Variants in C11orf65 observed in about 807,000 individuals in gnomAD.
C11orf65 encodes the protein chromosome 11 open reading frame 65.
In C11orf65, 38 loss-of-function variants were observed where a neutral mutation model predicts 35.3. The observed-to-expected ratio is 1.08, with a 90% CI of 0.83 to 1.41. The LOEUF is 1.41. Among genes scored for constraint, C11orf65 ranks in the 40% most tolerant of loss-of-function variants. C11orf65 has a pLI of 0.00. For synonymous variants in C11orf65, 105 were observed against 114.4 expected, an observed-to-expected ratio of 0.92 and a Z score of 0.53; for missense variants, 370 against 367.1, an observed-to-expected ratio of 1.01 and a Z score of -0.06.
chr11:108,462,532 C>T (rs1370624769), intron 1 of C11orf65: 1 of 152,160 alleles, frequency 6.6e-6, no homozygotes, highest in African/African-American at 2.4e-5. Context: ...CTTGAAAGTC[C>T]ATGACTTTTA....
intron 6 of C11orf65, among the ~76,000 whole-genome samples, chr11:108,320,395 A>C (rs1000244798): frequency 8.5e-5 from 13 of 152,218 alleles, no homozygotes; most frequent in South Asian, 2.1e-4. Context: ...ACTCACGGTT[A>C]ATACTTACAA....
At chr11:108,430,575 G>A (rs914792630) in intron 3 of C11orf65, among the ~76,000 whole-genome samples, 11 of 152,044 alleles carry the variant, frequency 7.2e-5, no homozygotes, top group African/African-American at 2.7e-4. Flanking sequence ...AGGGTACGGT[G>A]GTTTACACCT....
At chr11:108,373,543 A>G (rs1184803322) in intron 2 of C11orf65, among the ~76,000 whole-genome samples, 1 of 152,210 alleles carries the variant, frequency 6.6e-6, no homozygotes, top group Non-Finnish European at 1.5e-5. Context: ...AAGTGGGAGG[A>G]GCCAAGATGG....
rs587781946 is a variant in C11orf65, at chr11:108,335,880, A to C, written c.227-588T>G. On this transcript the variant is annotated intron_variant, in intron 2 of 3. Transcript: ENST00000524755. ...ACCTGAGACAAGATGCTGTCATGCA[A>C]CAGGTCTTCCAGATGTGTAATACAT... The C allele has an allele frequency of 8.7e-6, 14 of 1,614,070 alleles. No homozygotes were observed. Among genetic ancestry groups the C allele is most frequent in the Non-Finnish European group, 1.2e-5 (14 of 1,179,962 alleles).
At chr11:108,369,373 G>C (rs1385368050) in intron 2 of C11orf65, among the ~76,000 whole-genome samples, 1 of 152,088 alleles carries the variant, frequency 6.6e-6, no homozygotes, top group Admixed American at 6.5e-5. Context: ...CTTTCTTTGG[G>C]CCTAGAAAGT....
chr11:108,378,902 G>T (rs2091798051), downstream of C11orf65, among the ~76,000 whole-genome samples: 1 of 151,970 alleles, frequency 6.6e-6, no homozygotes, highest in African/African-American at 2.4e-5. Flanking sequence ...GGCCATCAGA[G>T]AAATGCAAAT....
intron 3 of C11orf65, among the ~76,000 whole-genome samples, chr11:108,417,277 T>C (rs76887122): frequency 0.057 from 8,715 of 152,130 alleles, 808 homozygotes; most frequent in African/African-American, 0.2. Flanking sequence ...GTGCGGCGGC[T>C]CACACCTGTA....
intron 2 of C11orf65, among the ~76,000 whole-genome samples, chr11:108,364,873 G>T (rs1050891374): frequency 1.4e-4 from 21 of 152,182 alleles, no homozygotes; most frequent in African/African-American, 5.1e-4. Context: ...TAACCATGGA[G>T]GAAGAATGAA....
intron 2 of C11orf65, among the ~76,000 whole-genome samples, chr11:108,350,826 C>A (rs962995336): frequency 6.6e-6 from 1 of 152,114 alleles, no homozygotes; most frequent in South Asian, 2.1e-4. Context: ...GTGCTAAAAG[C>A]ATCTATAAAT....
At chr11:108,365,260 A>T in intron 2 of C11orf65, 1 of 1,614,090 alleles carries the variant, frequency 6.2e-7, no homozygotes, top group Non-Finnish European at 8.5e-7. Context: ...AGTTTTTCAG[A>T]TTTTCTTATT....
chr11:108,406,390 C>T (rs2092541573), intron 5 of C11orf65, among the ~76,000 whole-genome samples: 2 of 152,058 alleles, frequency 1.3e-5, no homozygotes. Flanking sequence ...GCAGTGGTGC[C>T]ATCTCAGCTC....
intron 1 of C11orf65, among the ~76,000 whole-genome samples, chr11:108,466,019 A>G (rs2093532778): frequency 6.6e-6 from 1 of 151,600 alleles, no homozygotes; most frequent in Non-Finnish European, 1.5e-5. Flanking sequence ...ACAAAAAACG[A>G]CAGATTCTAA....
chr11:108,444,623 T>G (rs2093220050), intron 2 of C11orf65, among the ~76,000 whole-genome samples: 1 of 151,906 alleles, frequency 6.6e-6, no homozygotes, highest in African/African-American at 2.4e-5. Context: ...ATCCACAGGG[T>G]GGAGCCAAGA....
At chr11:108,394,750 G>C (rs991660904) in intron 6 of C11orf65, among the ~76,000 whole-genome samples, 1 of 152,120 alleles carries the variant, frequency 6.6e-6, no homozygotes, top group South Asian at 2.1e-4. Context: ...CTCTGGTATC[G>C]AATTATCTGG....
intron 2 of C11orf65, among the ~76,000 whole-genome samples, chr11:108,359,362 C>T (rs140337282): frequency 3.4e-4 from 51 of 151,994 alleles, no homozygotes; most frequent in Non-Finnish European, 6.6e-4. Flanking sequence ...CTTTAACACC[C>T]CACTGTCAAC....
chr11:108,382,952 C>G lies in C11orf65; in HGVS notation c.*69G>C. The G allele has an allele frequency of 6.3e-7, 1 of 1,589,276 alleles. No homozygotes were observed. Among genetic ancestry groups the G allele is most frequent in the Non-Finnish European group, 8.5e-7 (1 of 1,173,256 alleles). On this transcript the variant is annotated 3_prime_UTR_variant, in exon 9 of 9. Transcript: ENST00000393084. ...CACAAGTTATTCCAGTCAGAATACACTATCTCTTGGCTATAACTGATGGAT... is the reference window on the plus strand; with the variant it reads ...CACAAGTTATTCCAGTCAGAATACAGTATCTCTTGGCTATAACTGATGGAT...
downstream of C11orf65, among the ~76,000 whole-genome samples, chr11:108,327,986 C>T (rs1202411299): frequency 2.0e-5 from 3 of 152,172 alleles, no homozygotes; most frequent in Non-Finnish European, 4.4e-5. Flanking sequence ...CTTCCTCCTT[C>T]CTACCTCCAC....
intron 2 of C11orf65, among the ~76,000 whole-genome samples, chr11:108,444,660 A>G (rs1457951937): frequency 6.6e-6 from 1 of 152,168 alleles, no homozygotes; most frequent in Non-Finnish European, 1.5e-5. Context: ...GCTCCAGTCT[A>G]CAGCTCCCAG....
At chr11:108,327,857 G>C, downstream of C11orf65, 1 of 980,464 alleles carries the variant, frequency 1.0e-6, no homozygotes, top group Non-Finnish European at 1.6e-6. Context: ...TAAAAGTATG[G>C]TTTTATTTTT....
Sources: allele counts gnomAD v4.1 joint callset (sites outside exome capture counted in the v4.1 genomes callset), GRCh38; gene constraint gnomAD v4.1.1; transcripts MANE v1.5; gene names NCBI Gene and HGNC (gene_info 2026-07-23, HGNC 2026-07-21).